EIF2AK1: variants seen among roughly 807,000 people sequenced by gnomAD.
EIF2AK1 encodes eukaryotic translation initiation factor 2 alpha kinase 1.
Under a neutral mutation model 77.9 loss-of-function variants are expected in EIF2AK1, and 54 were observed. The ratio of observed to expected loss-of-function variants is 0.69; its 90% CI spans 0.56 to 0.87. EIF2AK1 has a LOEUF of 0.87. Among genes scored for constraint, EIF2AK1 ranks in the 40% least tolerant of loss-of-function variants. EIF2AK1 has a pLI of 0.00. For synonymous variants in EIF2AK1, 314 were observed against 290.5 expected (o/e 1.08, Z -0.82); for missense variants, 810 against 768.6 (o/e 1.05, Z -0.64).
rs1052410590 is a variant in EIF2AK1, at chr7:6,035,901, G to A, written c.1332+1523C>T. On this transcript the variant is annotated intron_variant, in intron 11 of 14. Coordinates refer to ENST00000199389, the MANE Select transcript of EIF2AK1 (RefSeq NM_014413.4). The surrounding 1 kb of genome is among the most constrained non-coding windows in gnomAD (Gnocchi z 5.5). Reference sequence around the variant, plus strand: ...AGCAGGCCGACTCCTCGGGGCGGGGGTCAGCTGCATCCGTCTGCTACTCAC... The same window carrying A: ...AGCAGGCCGACTCCTCGGGGCGGGGATCAGCTGCATCCGTCTGCTACTCAC... 8 of 1,546,752 alleles carry A rather than the reference G, an allele frequency of 5.2e-6. No individual in the cohort carries two copies. Among genetic ancestry groups the A allele is most frequent in the African/African-American group, 1.4e-5 (1 of 72,950 alleles).
Position 6,028,637 on chromosome 7 carries a change from T to C in EIF2AK1, c.1508A>G (p.Glu503Gly). The C allele has an allele frequency of 6.2e-7, 1 of 1,614,200 alleles. No homozygotes were observed. The highest frequency in any genetic ancestry group is 1.1e-5 in the South Asian group (1 of 91,088). Residue 503 changes from glutamate (E) to glycine (G), a missense_variant, in exon 13 of 15, where the codon GAA (glutamate) becomes GGA (glycine). By Grantham distance (98) the Glu-to-Gly change is moderately conservative. This residue lies in a region of EIF2AK1 where 549 missense variants were observed against 533.7 expected (regional missense o/e 1.03). Coordinates refer to ENST00000199389, the MANE Select transcript of EIF2AK1 (RefSeq NM_014413.4). ...TACCTTGGCATCATACTCAGATCCTTCCAACTGTTCGGGTGAAGCGTACAG... is the reference window on the plus strand; with the variant it reads ...TACCTTGGCATCATACTCAGATCCTCCCAACTGTTCGGGTGAAGCGTACAG... ...TCLYASPEQL[E>G]GSEYDAKSDM...
Position 6,023,286 on chromosome 7 carries a change from G to T in EIF2AK1, c.*1387C>A. 6.4e-7 allele frequency: 1 copy of T among 1,573,498 alleles called. No individual in the cohort carries two copies. The highest frequency in any genetic ancestry group is 1.4e-5 in the African/African-American group (1 of 73,742). ...GGCTGCTCTGGTGATGCTACCTGGC[G>T]TGTTTTTTCTTTTCAGTGCCGAAGA... On this transcript the variant is annotated 3_prime_UTR_variant, in exon 15 of 15. Coordinates refer to ENST00000199389, the MANE Select transcript of EIF2AK1 (RefSeq NM_014413.4).
chr7:6,049,205 G>A (rs531997783), intron 3 of EIF2AK1, among the ~76,000 whole-genome samples: 12 of 151,830 alleles, frequency 7.9e-5, no homozygotes, highest in Admixed American at 2.6e-4. Flanking sequence ...GTCAGATTGT[G>A]TCACTCCTCT....
Position 6,023,272 on chromosome 7 carries a change from T to G in EIF2AK1, c.*1401A>C. Reference sequence around the variant, plus strand: ...AGTACTTCCCTCAGGGCTGCTCTGGTGATGCTACCTGGCGTGTTTTTTCTT... The same window carrying G: ...AGTACTTCCCTCAGGGCTGCTCTGGGGATGCTACCTGGCGTGTTTTTTCTT... On this transcript the variant is annotated 3_prime_UTR_variant, in exon 15 of 15. Coordinates refer to ENST00000199389, the MANE Select transcript of EIF2AK1 (RefSeq NM_014413.4). 6.4e-7 allele frequency: 1 copy of G among 1,556,842 alleles called. No homozygotes were observed. The highest frequency in any genetic ancestry group is 8.6e-7 in the Non-Finnish European group (1 of 1,157,996).
At chr7:6,047,173 T>G (rs1377298088) in intron 4 of EIF2AK1, 82 bp from the exon 5 acceptor site, 2 of 1,352,340 alleles carry the variant, frequency 1.5e-6, no homozygotes, top group Non-Finnish European at 2.1e-6. Flanking sequence ...ACAGGATTAC[T>G]AACCTCACAA....
intron 2 of EIF2AK1, among the ~76,000 whole-genome samples, chr7:6,050,693 C>A (rs912724772): frequency 2.7e-5 from 4 of 150,910 alleles, no homozygotes; most frequent in African/African-American, 9.8e-5. Context: ...AGCTCTGCCT[C>A]CCGGGTTCAT....
intron 8 of EIF2AK1, among the ~76,000 whole-genome samples, chr7:6,042,689 AC>A (rs1453801037): frequency 1.3e-5 from 2 of 151,986 alleles, no homozygotes; most frequent in Admixed American, 1.3e-4. Context: ...ACACGGTGAA[AC>A]CCCGTCTCTA....
intron 2 of EIF2AK1, among the ~76,000 whole-genome samples, chr7:6,050,348 C>T (rs1293944290): frequency 6.6e-6 from 1 of 152,084 alleles, no homozygotes; most frequent in Non-Finnish European, 1.5e-5. Context: ...GCGTGTGCCA[C>T]CATGCCCAGC....
intron 9 of EIF2AK1, among the ~76,000 whole-genome samples, chr7:6,040,469 CAACT>C (rs1162937060): frequency 6.6e-6 from 1 of 152,168 alleles, no homozygotes. Flanking sequence ...CTGAAAACTA[CAACT>C]AACATAAAAC....
rs565869677 is a variant in EIF2AK1 at position 6,044,806 on chromosome 7, T to C, written c.631-145A>G. 4.7e-5 allele frequency: 32 copies of C among 681,656 alleles called. No homozygotes were observed. The African/African-American group carries it at 5.8e-4, about 12-fold the overall frequency. The allele number at this position is 681,656 out of a possible 1,614,324, so 42.2% of individuals were successfully genotyped here. On this transcript the variant is annotated intron_variant, in intron 6 of 14. Coordinates refer to ENST00000199389, the MANE Select transcript of EIF2AK1 (RefSeq NM_014413.4). ...CACAATTTTTGACATACTTTGAATT[T>C]TGATCTTTTCTCCAGCTTGCAGTAT...
At chr7:6,045,756 T>TATATATATATATATATA (rs1554321653) in intron 6 of EIF2AK1, among the ~76,000 whole-genome samples, 6 of 147,756 alleles carry the variant, frequency 4.1e-5, no homozygotes, top group East Asian at 2.1e-4. Flanking sequence ...TATATATAAA[T>TATATATATATATATATA]TAGCCAGGCA....
chr7:6,048,872 G>C (rs768745649), intron 3 of EIF2AK1, 28 bp from the exon 4 acceptor site: 1 of 1,530,706 alleles, frequency 6.5e-7, no homozygotes, highest in Admixed American at 2.1e-5. Context: ...TTTTTAAAAA[G>C]CATTTTGAAA....
In EIF2AK1 at chr7:6,035,465, A is replaced by C; in HGVS notation, c.1332+1959T>G. On this transcript the variant is annotated intron_variant, in intron 11 of 14. Transcript: ENST00000199389. The surrounding 1 kb of genome is among the most constrained non-coding windows in gnomAD (Gnocchi z 5.5). The stretch of plus-strand genomic sequence containing the variant: ...CTAGGGACACGACAGGCCTCACCAC[A>C]CTCAACTTAATGCTACTGCACTGGC... 1.9e-6 allele frequency: 3 copies of C among 1,550,590 alleles called. No individual in the cohort carries two copies. The highest frequency in any genetic ancestry group is 1.7e-6 in the Non-Finnish European group (2 of 1,146,900).
At chr7:6,057,060 A>C (rs1788795203) in intron 1 of EIF2AK1, among the ~76,000 whole-genome samples, 1 of 150,626 alleles carries the variant, frequency 6.6e-6, no homozygotes, top group Non-Finnish European at 1.5e-5. Context: ...TGGGAAGCTG[A>C]GGCAGGAGGA....
intron 11 of EIF2AK1, chr7:6,031,585 G>C: frequency 6.4e-7 from 1 of 1,550,680 alleles, no homozygotes; most frequent in Non-Finnish European, 8.7e-7. Flanking sequence ...GATTACTTCT[G>C]ACCCAGGTAC....
In EIF2AK1 at chr7:6,032,840, C is replaced by T. The variant is rs997225850; in HGVS notation, c.1333-3808G>A. 9 of 1,550,514 alleles carry T rather than the reference C, an allele frequency of 5.8e-6. No individual in the cohort carries two copies. The highest frequency in any genetic ancestry group is 3.9e-5 in the Admixed American group (2 of 50,966). On this transcript the variant is annotated intron_variant, in intron 11 of 14. Coordinates refer to ENST00000199389, the MANE Select transcript of EIF2AK1 (RefSeq NM_014413.4). This position sits in a 1 kb window ranked among gnomAD's most constrained non-coding sequence, Gnocchi z 4.3. ...ATGTGTTTTGTTTTCCCTCCAAAGC[C>T]GACAGAGTCTATCATCCCCATCCAT...
At chr7:6,040,320 C>G (rs62456202) in intron 9 of EIF2AK1, among the ~76,000 whole-genome samples, 26 of 151,700 alleles carry the variant, frequency 1.7e-4, no homozygotes, top group Non-Finnish European at 3.1e-4. Flanking sequence ...CCCAAACTGC[C>G]GGGATTACAG....
At chr7:6,058,402 G>C (rs1324331883) in intron 1 of EIF2AK1, among the ~76,000 whole-genome samples, 1 of 152,088 alleles carries the variant, frequency 6.6e-6, no homozygotes, top group Admixed American at 6.6e-5. Context: ...GGGTGACACA[G>C]CAAGCCTGTC....
rs770357764 is a variant in EIF2AK1 at position 6,031,507 on chromosome 7, C to T, written c.1333-2475G>A. 3.9e-6 allele frequency: 6 copies of T among 1,550,672 alleles called. No homozygotes were observed. The Admixed American group carries it at 9.8e-5, about 25-fold the overall frequency. ...TCATGAGAGAAGACTGCACTACGAT[C>T]GAGGTACTCCTGAGAAATCACCCTG... On this transcript the variant is annotated intron_variant, in intron 11 of 14. Coordinates refer to ENST00000199389, the MANE Select transcript of EIF2AK1 (RefSeq NM_014413.4).
Sources: allele counts gnomAD v4.1 joint callset (sites outside exome capture counted in the v4.1 genomes callset), GRCh38; gene constraint gnomAD v4.1.1; regional missense constraint gnomAD v4.1.1; non-coding constraint Gnocchi (gnomAD v3.1); transcripts MANE v1.5; gene names NCBI Gene and HGNC (gene_info 2026-07-23, HGNC 2026-07-21).